Variants in RP1 observed in about 807,000 individuals in gnomAD.
RP1 encodes the protein RP1 axonemal microtubule associated.
A neutral mutation model predicts 14.8 loss-of-function variants in RP1; 16 were observed. The ratio of observed to expected loss-of-function variants is 1.08; its 90% CI spans 0.73 to 1.65. RP1 has a LOEUF of 1.65. RP1 is among the 40% of genes most tolerant of loss of function. The pLI, the probability that RP1 is intolerant of heterozygous loss-of-function variation, is 0.00. For missense variants in RP1, 2,631 were observed against 2,535.0 expected (o/e 1.04, Z -0.81); for synonymous variants, 876 against 883.6 (o/e 0.99, Z 0.15).
intron 1 of RP1, among the ~76,000 whole-genome samples, chr8:54,600,696 GGGTATTTTCCTGT>G (rs1352231902): frequency 3.3e-5 from 5 of 152,152 alleles, no homozygotes; most frequent in Non-Finnish European, 7.3e-5. Context: ...GGTGAGGCCT[GGGTATTTTCCTGT>G]GGTGTTTGGC....
chr8:54,645,665 G>C (rs760938156), intron 3 of RP1, among the ~76,000 whole-genome samples: 1 of 152,102 alleles, frequency 6.6e-6, no homozygotes, highest in Non-Finnish European at 1.5e-5. Context: ...TTCTTATAAT[G>C]TGTTTTCTGA....
chr8:54,804,865 A>AT (rs1810808843), intron 24 of RP1, among the ~76,000 whole-genome samples: 1 of 152,220 alleles, frequency 6.6e-6, no homozygotes, highest in Non-Finnish European at 1.5e-5. Flanking sequence ...AGTCTAAGCA[A>AT]TGTAATAAAT....
chr8:54,712,606 C>T (rs1808317791), intron 15 of RP1, among the ~76,000 whole-genome samples: 1 of 152,202 alleles, frequency 6.6e-6, no homozygotes, highest in Non-Finnish European at 1.5e-5. Context: ...TTAACCTTTA[C>T]TCTGGTACTT....
intron 15 of RP1, among the ~76,000 whole-genome samples, chr8:54,712,962 C>CTTA (rs1349726609): frequency 2.0e-5 from 3 of 152,142 alleles, no homozygotes; most frequent in Non-Finnish European, 4.4e-5. Context: ...GTAAGGCATG[C>CTTA]TTATAATCTC....
chr8:54,629,454 C>G lies in RP1; in HGVS notation c.5572C>G (p.His1858Asp). The stretch of plus-strand genomic sequence containing the variant: ...TCATCATACAGAGGAGAAGGGTAGT[C>G]ATCAGTCAGAAAGAGTATGCACATC... Reference protein sequence around the residue: ...ANHHTEEKGSHQSERVCTSVT... With the variant: ...ANHHTEEKGSDQSERVCTSVT... The change falls in exon 4 of 4, where the codon CAT (histidine) becomes GAT (aspartate). Residue 1858 changes from histidine to aspartate, a missense_variant. Coordinates refer to ENST00000220676, the MANE Select transcript of RP1 (RefSeq NM_006269.2). 6.2e-7 allele frequency: 1 copy of G among 1,614,134 alleles called. No individual in the cohort carries two copies.
intron 24 of RP1, among the ~76,000 whole-genome samples, chr8:54,833,140 T>G (rs1257410268): frequency 6.6e-6 from 1 of 151,978 alleles, no homozygotes; most frequent in African/African-American, 2.4e-5. Flanking sequence ...TGTTCCCTCC[T>G]TTCTGGGATC....
chr8:54,605,468 C>G (rs1248307396), intron 1 of RP1, among the ~76,000 whole-genome samples: 2 of 152,004 alleles, frequency 1.3e-5, no homozygotes, highest in African/African-American at 2.4e-5. Flanking sequence ...ACTATGTGGT[C>G]AGTTTTGGAA....
Position 54,627,441 on chromosome 8 carries a change from G to A in RP1, c.3559G>A (p.Val1187Met). ...CTTGAAAGCTGCTGTTGCCAATTTA[G>A]TGGAGTCAACTACAAGCCACTTTGG... is the stretch of plus-strand genomic sequence containing the variant. ...DDLKAAVANL[V>M]ESTTSHFGLS... The change falls in exon 4 of 4, where the codon GTG becomes ATG. Residue 1187 changes from valine to methionine, a missense_variant. Coordinates refer to ENST00000220676, the MANE Select transcript of RP1 (RefSeq NM_006269.2). The A allele has an allele frequency of 6.2e-7, 1 of 1,614,154 alleles. No homozygotes were observed. Among genetic ancestry groups the A allele is most frequent in the Non-Finnish European group, 8.5e-7 (1 of 1,179,992 alleles).
At position 54,859,538 on chromosome 8, in the gene RP1, G is replaced by C. The variant is rs60602045; in HGVS notation, c.4069+2432G>C. The stretch of plus-strand genomic sequence containing the variant: ...GGAATCACTGTAGGGCATTGTCACT[G>C]TAGAGCAGTGTCACTGTAGGTGGTG... On this transcript the variant is annotated intron_variant, in intron 27 of 28. Transcript: ENST00000637698. 8.4e-3 allele frequency among the ~76,000 whole-genome samples: 1,267 copies of C among 150,668 alleles called. 16 individuals are homozygous for C. The highest frequency in any genetic ancestry group is 0.027 in the African/African-American group (1,090 of 40,910).
At chr8:54,682,763 A>G (rs1807466856) in intron 12 of RP1, among the ~76,000 whole-genome samples, 1 of 151,994 alleles carries the variant, frequency 6.6e-6, no homozygotes, top group Non-Finnish European at 1.5e-5. Flanking sequence ...GTTCACGCTG[A>G]TGATAGTTTC....
chr8:54,769,604 A>G, intron 22 of RP1: 1 of 639,122 alleles, frequency 1.6e-6, no homozygotes, highest in Non-Finnish European at 2.7e-6. Context: ...GACTATATAA[A>G]AAGCAACTTT....
At chr8:54,796,685 G>A (rs1810583307) in intron 24 of RP1, among the ~76,000 whole-genome samples, 1 of 152,148 alleles carries the variant, frequency 6.6e-6, no homozygotes, top group Non-Finnish European at 1.5e-5. Flanking sequence ...GGCAAGGAAG[G>A]ATTCCACCCA....
At chr8:54,691,081 G>A (rs1019517397) in intron 12 of RP1, among the ~76,000 whole-genome samples, 20 of 151,986 alleles carry the variant, frequency 1.3e-4, no homozygotes, top group Admixed American at 7.2e-4. Flanking sequence ...AGATAGCCAC[G>A]AATGGATTTG....
intron 15 of RP1, among the ~76,000 whole-genome samples, chr8:54,708,927 G>C (rs1176674903): frequency 1.3e-5 from 2 of 152,160 alleles, no homozygotes; most frequent in African/African-American, 2.4e-5. Context: ...GTGATCACAG[G>C]AAGTTGGATG....
chr8:54,835,596 C>T (rs1277555471), intron 24 of RP1, among the ~76,000 whole-genome samples: 2 of 136,000 alleles, frequency 1.5e-5, no homozygotes, highest in Non-Finnish European at 3.3e-5. Flanking sequence ...AAAATTCTGA[C>T]TCATAAAAAA....
At chr8:54,860,271 T>C (rs566120213) in intron 27 of RP1, among the ~76,000 whole-genome samples, 2 of 152,344 alleles carry the variant, frequency 1.3e-5, no homozygotes, top group South Asian at 4.1e-4. Flanking sequence ...TGATTTTTTT[T>C]TTAAGGAAAT....
chr8:54,816,548 T>G (rs1811136464), intron 24 of RP1, among the ~76,000 whole-genome samples: 2 of 152,234 alleles, frequency 1.3e-5, no homozygotes, highest in Non-Finnish European at 1.5e-5. Context: ...TGGCTTAGGA[T>G]GTAGCCCAAA....
At chr8:54,623,427 C>CT (rs1221436034) in intron 3 of RP1, among the ~76,000 whole-genome samples, 1 of 151,388 alleles carries the variant, frequency 6.6e-6, no homozygotes, top group East Asian at 1.9e-4. Context: ...AGGGGCTTAC[C>CT]TGATGGCAAG....
chr8:54,669,988 G>A (rs1486332295), intron 7 of RP1, among the ~76,000 whole-genome samples: 4 of 151,556 alleles, frequency 2.6e-5, no homozygotes, highest in South Asian at 2.1e-4. Context: ...GTAACAAACC[G>A]GCACGTTGTG....
Sources: gnomAD v4.1 joint callset for allele counts (sites outside exome capture counted in the v4.1 genomes callset) on GRCh38, gnomAD v4.1.1 for gene constraint, MANE v1.5 for transcripts, NCBI Gene and HGNC (gene_info 2026-07-23, HGNC 2026-07-21) for gene names.